Variants in TENM4 observed in about 807,000 individuals in gnomAD.
TENM4 encodes teneurin transmembrane protein 4.
A neutral mutation model predicts 243.3 loss-of-function variants in TENM4; 82 were observed. The observed-to-expected ratio is 0.34, with a 90% CI of 0.28 to 0.40. The LOEUF (loss-of-function observed/expected upper bound fraction) is 0.40, where lower values mean the gene tolerates loss of function less well. TENM4 is among the 10% of genes least tolerant of loss of function. TENM4 has a pLI of 1.00. For missense variants in TENM4, 3,138 were observed against 3,673.3 expected (o/e 0.85, Z 3.77); for synonymous variants, 1,412 against 1,456.3 (o/e 0.97, Z 0.69).
intron 1 of TENM4, among the ~76,000 whole-genome samples, chr11:79,391,624 C>G (rs564679824): frequency 6.6e-6 from 1 of 152,180 alleles, no homozygotes; most frequent in Admixed American, 6.5e-5. Context: ...GGGTGAAAAA[C>G]CTGACATGAA....
chr11:79,136,009 G>A (rs1047595811), intron 4 of TENM4, among the ~76,000 whole-genome samples: 2 of 151,744 alleles, frequency 1.3e-5, no homozygotes, highest in Admixed American at 6.6e-5. Flanking sequence ...GCATAACAAT[G>A]ATACAATGGA....
In TENM4 at chr11:79,214,991, A is replaced by G. The variant is rs138505336; in HGVS notation, c.-163+817T>C. Among the ~76,000 whole-genome samples the G allele has an allele frequency of 1.2e-4, 18 of 152,366 alleles. No individual in the cohort carries two copies. In the East Asian group the frequency reaches 2.9e-3, roughly 24 times the overall value. The stretch of plus-strand genomic sequence containing the variant: ...ATTACTGCAGCATAACTAAGCCTAA[A>G]AAGACTCATATTTCTATCTTGAAAG... On this transcript the variant is annotated intron_variant, in intron 3 of 33. Coordinates refer to ENST00000278550, the MANE Select transcript of TENM4 (RefSeq NM_001098816.3).
intron 1 of TENM4, among the ~76,000 whole-genome samples, chr11:79,419,942 A>G (rs540908782): frequency 1.7e-4 from 26 of 152,212 alleles, no homozygotes; most frequent in African/African-American, 5.8e-4. Context: ...TTCCTATGTG[A>G]TATTTTATGT....
At chr11:78,677,019 T>C (rs182479552) in intron 29 of TENM4, among the ~76,000 whole-genome samples, 16 of 152,282 alleles carry the variant, frequency 1.1e-4, no homozygotes, top group Middle Eastern at 3.4e-3. Flanking sequence ...GTATGGGATT[T>C]CTCTTTGCGG....
At chr11:79,287,973 G>T (rs1233063589) in intron 2 of TENM4, among the ~76,000 whole-genome samples, 3 of 152,186 alleles carry the variant, frequency 2.0e-5, no homozygotes, top group Non-Finnish European at 4.4e-5. Context: ...CAGAATAGGG[G>T]CCTCAGTGGG....
At position 78,702,256 on chromosome 11, in the gene TENM4, T is replaced by G. The variant is rs373847798; in HGVS notation, c.4357A>C (p.Ile1453Leu). ...ACCTTGCTTAGCAGGAAGTGGTCAA[T>G]GCCAGGGACCTGGCAGTGCATGGGC... ...GRPMHCQVPG[I>L]DHFLLSKVAI... The change falls in exon 28 of 34, where the codon ATT (isoleucine) becomes CTT (leucine). Residue 1453 changes from isoleucine (I) to leucine (L), a missense_variant. Physicochemically the swap from Ile to Leu is conservative, Grantham distance 5 (BLOSUM62 2). Around this residue, in one of 2 missense-constraint regions of TENM4, gnomAD observed 2,467 missense variants for 3,059.1 expected, o/e 0.81. Transcript: ENST00000278550. 3.1e-6 allele frequency: 5 copies of G among 1,613,930 alleles called. No homozygotes were observed. The highest frequency in any genetic ancestry group is 4.2e-6 in the Non-Finnish European group (5 of 1,179,906).
chr11:78,903,527 G>T lies in TENM4; in HGVS notation c.494-4C>A. The stretch of plus-strand genomic sequence containing the variant: ...TTCTGCAGGCCGCCCGGATGATCTA[G>T]GGCACAAACATGGCGGTCAGCGGCG... On this transcript the variant is annotated splice_region_variant and splice_polypyrimidine_tract_variant and intron_variant, in intron 6 of 33. Coordinates refer to ENST00000278550, the MANE Select transcript of TENM4 (RefSeq NM_001098816.3). 1 of 1,545,560 alleles carries T rather than the reference G, an allele frequency of 6.5e-7. No homozygotes were observed.
chr11:79,148,769 T>G lies in TENM4; in HGVS notation c.-125A>C. On this transcript the variant is annotated 5_prime_UTR_variant, in exon 4 of 34. Transcript: ENST00000278550. The stretch of plus-strand genomic sequence containing the variant: ...AGTCCTTCAAATAATCCTTGAAGTA[T>G]GCAATTTTAATTTGGACACATGGTA... The G allele has an allele frequency of 1.0e-6, 1 of 983,196 alleles. No individual in the cohort carries two copies. Among genetic ancestry groups the G allele is most frequent in the Non-Finnish European group, 1.2e-6 (1 of 827,652 alleles). The allele number at this position is 983,196 out of a possible 1,614,324, so 60.9% of individuals were successfully genotyped here. A position where few individuals can be genotyped will look rare whatever the true frequency, so the allele number is the denominator to read the frequency against.
At chr11:78,920,672 T>C (rs1039723135) in intron 6 of TENM4, among the ~76,000 whole-genome samples, 1 of 152,226 alleles carries the variant, frequency 6.6e-6, no homozygotes, top group Non-Finnish European at 1.5e-5. Context: ...AGCCATCTGA[T>C]AGATGTTAGG....
intron 6 of TENM4, among the ~76,000 whole-genome samples, chr11:78,948,529 C>T (rs569901287): frequency 2.1e-4 from 32 of 152,100 alleles, no homozygotes; most frequent in Non-Finnish European, 2.6e-4. Flanking sequence ...CCCGCCACCG[C>T]GCCTGGCTAA....
intron 1 of TENM4, among the ~76,000 whole-genome samples, chr11:79,368,942 T>C (rs1857728321): frequency 6.6e-6 from 1 of 152,174 alleles, no homozygotes; most frequent in South Asian, 2.1e-4. Flanking sequence ...TAAATGTTAG[T>C]TTTCTCCCTT....
chr11:78,654,013 G>C lies in TENM4; in HGVS notation c.*4045C>G, dbSNP rs185601466. On this transcript the variant is annotated 3_prime_UTR_variant, in exon 34 of 34. Coordinates refer to ENST00000278550, the MANE Select transcript of TENM4 (RefSeq NM_001098816.3). Reference sequence around the variant, plus strand: ...CTGTTTTTGGAAGGTTAAATGAAAGGGCCTTGAACTGCAGAGTTCTTTTTT... The same window carrying C: ...CTGTTTTTGGAAGGTTAAATGAAAGCGCCTTGAACTGCAGAGTTCTTTTTT... 1 of 152,346 alleles carries C rather than the reference G, an allele frequency of 6.6e-6. No homozygotes were observed. The highest frequency in any genetic ancestry group is 2.4e-5 in the African/African-American group (1 of 41,578). The allele number at this position is 152,346 out of a possible 1,614,324, so 9.4% of individuals were successfully genotyped here.
chr11:79,351,726 T>A (rs1458506329), intron 1 of TENM4, among the ~76,000 whole-genome samples: 2 of 151,902 alleles, frequency 1.3e-5, no homozygotes, highest in African/African-American at 4.8e-5. Context: ...TAAAAATAAA[T>A]AAATAAATAA....
chr11:79,070,703 T>C lies in TENM4; in HGVS notation c.-65-694A>G, dbSNP rs576046412. 3.3e-5 allele frequency among the ~76,000 whole-genome samples: 5 copies of C among 152,272 alleles called. No homozygotes were observed. In the South Asian group the frequency reaches 1.0e-3, roughly 32 times the overall value. ...ACAGTAGGCGCATAATAAAGATGTG[T>C]TTAATTAACCAGCTAACCATCCCCA... is the stretch of plus-strand genomic sequence containing the variant. On this transcript the variant is annotated intron_variant, in intron 4 of 33. Coordinates refer to ENST00000278550, the MANE Select transcript of TENM4 (RefSeq NM_001098816.3).
intron 29 of TENM4, among the ~76,000 whole-genome samples, chr11:78,677,397 G>C (rs1252522695): frequency 6.6e-6 from 1 of 151,842 alleles, no homozygotes; most frequent in South Asian, 2.1e-4. Flanking sequence ...TAGGACTATA[G>C]GCATGCATCA....
intron 12 of TENM4, among the ~76,000 whole-genome samples, chr11:78,815,971 T>C (rs75634462): frequency 0.037 from 5,681 of 152,292 alleles, 347 homozygotes; most frequent in African/African-American, 0.13. Flanking sequence ...CAGCAGAATC[T>C]GGGGAAATGA....
Position 79,163,798 on chromosome 11 carries a change from C to T in TENM4, c.-162-14992G>A, listed in dbSNP as rs201126568. On this transcript the variant is annotated intron_variant, in intron 3 of 33. Coordinates refer to ENST00000278550, the MANE Select transcript of TENM4 (RefSeq NM_001098816.3). ...ACACATACATATATATATACACACA[C>T]ATATATATACACATATATATACATG... Among the ~76,000 whole-genome samples, 291 of 144,842 alleles carry T rather than the reference C, an allele frequency of 2.0e-3. 1 individual carries two copies. Among genetic ancestry groups the T allele is most frequent in the African/African-American group, 6.9e-3 (271 of 39,418 alleles).
At chr11:78,936,607 A>G (rs1856790579) in intron 6 of TENM4, among the ~76,000 whole-genome samples, 4 of 152,206 alleles carry the variant, frequency 2.6e-5, no homozygotes, top group Admixed American at 2.0e-4. Context: ...TGCACTAGCT[A>G]TGGGAAGTAG....
At chr11:79,298,973 C>G (rs1219138674) in intron 1 of TENM4, among the ~76,000 whole-genome samples, 1 of 152,158 alleles carries the variant, frequency 6.6e-6, no homozygotes, top group Non-Finnish European at 1.5e-5. Flanking sequence ...AAGATAGGTT[C>G]TGTAACAACG....
Sources: gnomAD v4.1 joint callset for allele counts (sites outside exome capture counted in the v4.1 genomes callset) on GRCh38, gnomAD v4.1.1 for gene constraint, gnomAD v4.1.1 regional missense constraint, MANE v1.5 for transcripts, NCBI Gene and HGNC (gene_info 2026-07-23, HGNC 2026-07-21) for gene names.